Variants in MYT1L observed in about 807,000 individuals in gnomAD.
The protein encoded by MYT1L is myelin transcription factor 1 like, also known as myelin transcription factor 1-like protein.
Under a neutral mutation model 126.7 loss-of-function variants are expected in MYT1L, and 12 were observed. The ratio of observed to expected loss-of-function variants is 0.09; its 90% CI spans 0.06 to 0.15. The LOEUF (loss-of-function observed/expected upper bound fraction) is 0.15. Among genes scored for constraint, MYT1L ranks in the 10% least tolerant of loss-of-function variants. The pLI is 1.00. For missense variants in MYT1L, 979 were observed against 1,585.2 expected, an observed-to-expected ratio of 0.62 and a Z score of 6.49; for synonymous variants, 541 against 604.2, an observed-to-expected ratio of 0.90 and a Z score of 1.53.
chr2:2,039,271 C>G (rs779367323), intron 4 of MYT1L, among the ~76,000 whole-genome samples: 1 of 152,088 alleles, frequency 6.6e-6, no homozygotes, highest in Non-Finnish European at 1.5e-5. Flanking sequence ...GGCATGGTGA[C>G]TGGCACCTGT....
At chr2:2,138,712 G>A (rs1367798365) in intron 3 of MYT1L, among the ~76,000 whole-genome samples, 216 of 105,828 alleles carry the variant, frequency 2.0e-3, no homozygotes, top group African/African-American at 7.4e-3. Flanking sequence ...GGGGAGGGGG[G>A]AGGGATAGCA....
chr2:2,037,804 CAAAAA>C (rs527384744), intron 4 of MYT1L, among the ~76,000 whole-genome samples: 111 of 140,022 alleles, frequency 7.9e-4, no homozygotes, highest in African/African-American at 2.8e-3. Flanking sequence ...AACAAAAAAA[CAAAAA>C]AAAAACCCCC....
rs1048529511 is a variant in MYT1L at position 1,811,045 on chromosome 2, C to A, written c.3081-1878G>T. ...CCTTATAACAGGGACCCAGACAGCT[C>A]CTTAACCCCTTCTCCCATGTGAGGA... On this transcript the variant is annotated intron_variant, in intron 21 of 24. Coordinates refer to ENST00000647738, the MANE Select transcript of MYT1L (RefSeq NM_001303052.2). The surrounding 1 kb of genome is among the most constrained non-coding windows in gnomAD (Gnocchi z 4.4). 6.6e-6 allele frequency: 1 copy of A among 152,080 alleles called. No individual in the cohort carries two copies. Among genetic ancestry groups the A allele is most frequent in the Admixed American group, 6.5e-5 (1 of 15,268 alleles). 9.4% of individuals were successfully genotyped at this position (152,080 alleles called of 1,614,324 possible).
intron 1 of MYT1L, among the ~76,000 whole-genome samples, chr2:2,321,157 T>C (rs891965036): frequency 1.3e-5 from 2 of 152,246 alleles, no homozygotes; most frequent in Admixed American, 6.5e-5. Flanking sequence ...TCAATTTGCC[T>C]GTGCCTGGCC....
Position 1,979,825 on chromosome 2 carries a change from GC to G in MYT1L, c.1-49del. 6.2e-7 allele frequency: 1 copy of G among 1,602,778 alleles called. No homozygotes were observed. The highest frequency in any genetic ancestry group is 8.5e-7 in the Non-Finnish European group (1 of 1,170,848). On this transcript the variant is annotated intron_variant, in intron 5 of 24. Coordinates refer to ENST00000647738, the MANE Select transcript of MYT1L (RefSeq NM_001303052.2). The surrounding 1 kb of genome is among the most constrained non-coding windows in gnomAD (Gnocchi z 4.0). ...CAATGTGCTTATCCTGCCTGTGCAG[GC>G]CAGCCCTGCAGGGGCGGCTCACTCT...
chr2:2,079,570 C>T (rs979066135), intron 3 of MYT1L, among the ~76,000 whole-genome samples: 5 of 152,182 alleles, frequency 3.3e-5, no homozygotes, highest in African/African-American at 1.2e-4. Context: ...CTGTGGGAGG[C>T]CAAGGCGGGT....
Position 2,161,181 on chromosome 2 carries a change from C to T in MYT1L, c.-304+11691G>A, listed in dbSNP as rs553597857. On this transcript the variant is annotated intron_variant, in intron 3 of 24. Transcript: ENST00000647738. ...TGAGCCGAGATTGCACCACTGCACTCCAGCCTGGGCAATGGAGAGAGACTC... is the reference window on the plus strand; with the variant it reads ...TGAGCCGAGATTGCACCACTGCACTTCAGCCTGGGCAATGGAGAGAGACTC... Among the ~76,000 whole-genome samples the T allele has an allele frequency of 2.0e-5, 3 of 152,118 alleles. 1 individual carries two copies. Among genetic ancestry groups the T allele is most frequent in the Non-Finnish European group, 4.4e-5 (3 of 68,022 alleles).
intron 5 of MYT1L, among the ~76,000 whole-genome samples, chr2:1,996,411 G>A (rs554439324): frequency 1.3e-5 from 2 of 151,580 alleles, no homozygotes; most frequent in South Asian, 2.1e-4. Context: ...AGTGTGGACT[G>A]CACAGAACCG....
intron 3 of MYT1L, among the ~76,000 whole-genome samples, chr2:2,140,774 G>A (rs2083857613): frequency 1.3e-5 from 2 of 151,968 alleles, no homozygotes; most frequent in Non-Finnish European, 2.9e-5. Context: ...TCACTATATT[G>A]GCCAGTTTGG....
intron 19 of MYT1L, 197 bp from the exon 20 acceptor site, chr2:1,841,040 A>G (rs1325749888): frequency 1.8e-4 from 90 of 513,102 alleles, no homozygotes; most frequent in Non-Finnish European, 2.7e-4. Context: ...AGTAGCTGGG[A>G]CTACAGGCGG....
At position 2,142,898 on chromosome 2, in the gene MYT1L, G is replaced by A. The variant is rs187311299; in HGVS notation, c.-304+29974C>T. 7.1e-3 allele frequency among the ~76,000 whole-genome samples: 1,075 copies of A among 151,696 alleles called. 7 individuals are homozygous for A. Among genetic ancestry groups the A allele is most frequent in the Non-Finnish European group, 0.01 (696 of 67,912 alleles). ...GACAGGATCTTGCCATGTTGGCCAG[G>A]GTGGTCTCAAACTCCTGACCTCAGG... is the stretch of plus-strand genomic sequence containing the variant. On this transcript the variant is annotated intron_variant, in intron 3 of 24. Coordinates refer to ENST00000647738, the MANE Select transcript of MYT1L (RefSeq NM_001303052.2).
chr2:2,105,896 T>C (rs1045922931), intron 3 of MYT1L, among the ~76,000 whole-genome samples: 2 of 152,200 alleles, frequency 1.3e-5, no homozygotes, highest in African/African-American at 4.8e-5. Flanking sequence ...TGCATTTCAA[T>C]ACAAATATCA....
chr2:1,924,180 T>C (rs1415049644), intron 9 of MYT1L, among the ~76,000 whole-genome samples: 1 of 152,198 alleles, frequency 6.6e-6, no homozygotes, highest in Non-Finnish European at 1.5e-5. Context: ...GAAAAACTCT[T>C]TAAAAAGACC....
chr2:1,975,841 G>A lies in MYT1L; in HGVS notation c.152+3324C>T, dbSNP rs146921002. Among the ~76,000 whole-genome samples the A allele has an allele frequency of 1.8e-3, 271 of 152,284 alleles. 1 individual carries two copies. The highest frequency in any genetic ancestry group is 6.1e-3 in the African/African-American group (255 of 41,562). ...ATTGTGCCACTGCACTCCAGCATGAGTGACAGAGTGAGACTCTGTCTCAAA... is the reference window on the plus strand; with the variant it reads ...ATTGTGCCACTGCACTCCAGCATGAATGACAGAGTGAGACTCTGTCTCAAA... On this transcript the variant is annotated intron_variant, in intron 8 of 24. Coordinates refer to ENST00000647738, the MANE Select transcript of MYT1L (RefSeq NM_001303052.2).
At position 1,941,053 on chromosome 2, in the gene MYT1L, T is replaced by A. The variant is rs147019671; in HGVS notation, c.505+1929A>T. Among the ~76,000 whole-genome samples, 702 of 152,330 alleles carry A rather than the reference T, an allele frequency of 4.6e-3. 5 individuals are homozygous for A. The highest frequency in any genetic ancestry group is 0.016 in the African/African-American group (661 of 41,576). On this transcript the variant is annotated intron_variant, in intron 9 of 24. Coordinates refer to ENST00000647738, the MANE Select transcript of MYT1L (RefSeq NM_001303052.2). ...AACAATTATATCCTAAGTGTTCAAG[T>A]GAGAATAGACAAACCCTATGCAGTC...
intron 2 of MYT1L, among the ~76,000 whole-genome samples, chr2:2,215,657 T>C (rs2093654771): frequency 6.6e-6 from 1 of 152,188 alleles, no homozygotes; most frequent in African/African-American, 2.4e-5. Flanking sequence ...ATATAAGAGG[T>C]TTGAACACTA....
chr2:2,270,966 C>A (rs2095251782), intron 2 of MYT1L, among the ~76,000 whole-genome samples: 1 of 152,176 alleles, frequency 6.6e-6, no homozygotes, highest in Admixed American at 6.5e-5. Context: ...AATGTACAAA[C>A]TCCTTACCCG....
intron 4 of MYT1L, among the ~76,000 whole-genome samples, chr2:2,040,411 G>A (rs557760761): frequency 3.3e-5 from 5 of 152,280 alleles, no homozygotes; most frequent in East Asian, 3.9e-4. Flanking sequence ...TTTAAAACTC[G>A]ATTCTGAGAA....
At position 1,910,092 on chromosome 2, in the gene MYT1L, G is replaced by C; in HGVS notation, c.1817+148C>G. ...CACACAGCCTGGCCTGGAGTGAGGG[G>C]TCCTGGCCCCGGCTTCCAGCACAGC... is the stretch of plus-strand genomic sequence containing the variant. On this transcript the variant is annotated intron_variant, in intron 13 of 24. Coordinates refer to ENST00000647738, the MANE Select transcript of MYT1L (RefSeq NM_001303052.2). The surrounding 1 kb of genome is among the most constrained non-coding windows in gnomAD (Gnocchi z 4.8). 1 of 686,842 alleles carries C rather than the reference G, an allele frequency of 1.5e-6. No individual in the cohort carries two copies. The highest frequency in any genetic ancestry group is 2.5e-6 in the Non-Finnish European group (1 of 403,146). 42.5% of individuals were successfully genotyped at this position (686,842 alleles called of 1,614,324 possible).
Sources: gnomAD v4.1 joint callset for allele counts (sites outside exome capture counted in the v4.1 genomes callset) on GRCh38, gnomAD v4.1.1 for gene constraint, Gnocchi (gnomAD v3.1) non-coding constraint, MANE v1.5 for transcripts, NCBI Gene and HGNC (gene_info 2026-07-23, HGNC 2026-07-21) for gene names.